HCFC1: variants seen among roughly 807,000 people sequenced by gnomAD.
HCFC1 encodes host cell factor C1, also known as host cell factor 1.
In HCFC1, 7 loss-of-function variants were observed where a neutral mutation model predicts 105.5. The ratio of observed to expected loss-of-function variants is 0.07; its 90% CI spans 0.04 to 0.12. The LOEUF is 0.12. Ranked by LOEUF, HCFC1 falls within the 10% of genes least tolerant of loss-of-function variation. The pLI is 1.00. For missense variants in HCFC1, 1,065 were observed against 1,823.6 expected, an observed-to-expected ratio of 0.58 and a Z score of 7.58; for synonymous variants, 918 against 828.1, an observed-to-expected ratio of 1.11 and a Z score of -1.86.
chrX:153,961,072 C>T (rs1458079539), intron 6 of HCFC1, among the ~76,000 whole-genome samples: 3 of 112,910 alleles, frequency 2.7e-5, no homozygotes, highest in Admixed American at 9.3e-5. Flanking sequence ...GCAGCACAAC[C>T]GCAACTCGAA....
At chrX:153,956,091 A>T in intron 16 of HCFC1, 100 bp downstream of exon 16, 1 of 802,058 alleles carries the variant, frequency 1.2e-6, no homozygotes, top group Non-Finnish European at 1.8e-6. Flanking sequence ...CAGCAGCGCA[A>T]CACCAGGAAG....
chrX:153,951,975 T>TGCTGCTGCTGGGCCTGGGCCTCCTGCA lies in HCFC1; in HGVS notation c.5099_5125dup (p.Leu1700_Gln1708dup), dbSNP rs781996133. ...CAGGGCCTCAGTGGGGAGGTGGTGA[T>TGCTGCTGCTGGGCCTGGGCCTCCTGCA]GCTGCTGCTGGGCCTGGGCCTCCTG... is the stretch of plus-strand genomic sequence containing the variant. On this transcript the variant is annotated inframe_insertion, in exon 20 of 26. Transcript: ENST00000310441. 1.7e-6 allele frequency: 2 copies of TGCTGCTGCTGGGCCTGGGCCTCCTGCA among 1,192,373 alleles called. No individual in the cohort carries two copies. Among genetic ancestry groups the TGCTGCTGCTGGGCCTGGGCCTCCTGCA allele is most frequent in the East Asian group, 5.9e-5 (2 of 33,628 alleles).
In HCFC1 at chrX:153,948,929, G is replaced by A. The variant is rs2065281711; in HGVS notation, c.*418C>T. On this transcript the variant is annotated 3_prime_UTR_variant, in exon 26 of 26. Transcript: ENST00000310441. ...AAACAGAACCAGACACCCAGGCCAG[G>A]GTGCCAGGAAAGCCACTCTGGGGAG... 8.6e-6 allele frequency: 1 copy of A among 116,247 alleles called. No individual in the cohort carries two copies. The highest frequency in any genetic ancestry group is 3.3e-5 in the African/African-American group (1 of 30,573). 9.6% of individuals were successfully genotyped at this position (116,247 alleles called of 1,213,427 possible).
chrX:153,952,779 C>G lies in HCFC1; in HGVS notation c.4677G>C (p.Gln1559His). ...LSSTGEPSSG[Q>H]ESAGSAVVAT... ...CCACCACCGCAGAGCCGGCAGACTC[C>G]TGGCCCGAAGATGGCTCCCCTGTGC... The change falls in exon 19 of 26, where the codon CAG (glutamine) becomes CAC (histidine). Residue 1559 changes from glutamine to histidine, a missense_variant. Coordinates refer to ENST00000310441, the MANE Select transcript of HCFC1 (RefSeq NM_005334.3). 2.5e-6 allele frequency: 3 copies of G among 1,207,877 alleles called. No homozygotes were observed. The highest frequency in any genetic ancestry group is 3.4e-6 in the Non-Finnish European group (3 of 893,465).
At chrX:153,950,187 G>A (rs2065296963) in intron 24 of HCFC1, 56 bp downstream of exon 24, 3 of 1,063,792 alleles carry the variant, frequency 2.8e-6, no homozygotes, top group Admixed American at 6.1e-5. Flanking sequence ...TCCTCCTGCT[G>A]CACCCGGCTT....
intron 12 of HCFC1, 96 bp from the exon 13 acceptor site, chrX:153,957,629 A>G: frequency 4.8e-6 from 4 of 830,089 alleles, no homozygotes; most frequent in Non-Finnish European, 7.0e-6. Flanking sequence ...GGCTCAGGGA[A>G]TGTTCTGGAG....
intron 1 of HCFC1, among the ~76,000 whole-genome samples, chrX:153,968,139 G>A (rs782694118): frequency 4.5e-5 from 5 of 111,334 alleles, no homozygotes; most frequent in Non-Finnish European, 9.4e-5. Flanking sequence ...CAGAGCCACC[G>A]TAGCCAAAGC....
At position 153,970,966 on chromosome X, in the gene HCFC1, A is replaced by C. The variant is rs2065527334; in HGVS notation, c.-126T>G. On this transcript the variant is annotated 5_prime_UTR_variant, in exon 1 of 26. Transcript: ENST00000310441. ...GAAGCGGTTTCTCACACAGCGGTAG[A>C]CGACTCCATGGAGGCCGCCATCTTA... The C allele has an allele frequency of 1.9e-6, 1 of 526,144 alleles. No homozygotes were observed. The highest frequency in any genetic ancestry group is 3.0e-6 in the Non-Finnish European group (1 of 333,282). 43.4% of individuals were successfully genotyped at this position (526,144 alleles called of 1,213,427 possible). A position where few individuals can be genotyped will look rare whatever the true frequency, so the allele number is the denominator to read the frequency against.
chrX:153,959,315 A>T lies in HCFC1; in HGVS notation c.1605+16T>A. On this transcript the variant is annotated intron_variant, in intron 9 of 25. Coordinates refer to ENST00000310441, the MANE Select transcript of HCFC1 (RefSeq NM_005334.3). ...ATCAACAGGAAATCCCACCCGCCCC[A>T]GTGACCACTCCTCACCGTTCCCTGG... 8.4e-7 allele frequency: 1 copy of T among 1,188,087 alleles called. No homozygotes were observed. Among genetic ancestry groups the T allele is most frequent in the East Asian group, 3.0e-5 (1 of 33,268 alleles).
chrX:153,967,903 G>A, intron 1 of HCFC1, among the ~76,000 whole-genome samples: 1 of 111,450 alleles, frequency 9.0e-6, no homozygotes, highest in Admixed American at 9.5e-5. Context: ...CAGGGACAGA[G>A]GAGAGAATGG....
At position 153,952,148 on chromosome X, in the gene HCFC1, C is replaced by G; in HGVS notation, c.4953G>C (p.Glu1651Asp). The change falls in exon 20 of 26, where the codon GAG (glutamate) becomes GAC (aspartate). Residue 1651 changes from glutamate (E) to aspartate (D), a missense_variant. By Grantham distance (45) the Glu-to-Asp change is conservative. This residue lies in a region of HCFC1 where 115 missense variants were observed against 143.7 expected (regional missense o/e 0.80). Transcript: ENST00000310441. The stretch of plus-strand genomic sequence containing the variant: ...CTGCTGCCTCGGAGGTGTCCATGGG[C>G]TCGCCGGTGCCTGCTCCAGGGTCGA... Reference protein sequence around the residue: ...AAQQAVMGTGEPMDTSEAAAT... With the variant: ...AAQQAVMGTGDPMDTSEAAAT... The G allele has an allele frequency of 9.0e-7, 1 of 1,114,895 alleles. No individual in the cohort carries two copies. The highest frequency in any genetic ancestry group is 1.2e-6 in the Non-Finnish European group (1 of 851,727). The allele number at this position is 1,114,895 out of a possible 1,213,427, so 91.9% of individuals were successfully genotyped here.
At chrX:153,950,175 G>T in intron 24 of HCFC1, 68 bp downstream of exon 24, 1 of 1,035,293 alleles carries the variant, frequency 9.7e-7, no homozygotes, top group Non-Finnish European at 1.3e-6. Flanking sequence ...GATGGTGACA[G>T]TTCCTCCTGC....
Position 153,964,277 on chromosome X carries a change from C to T in HCFC1, c.350G>A (p.Arg117Gln). 8.5e-7 allele frequency: 1 copy of T among 1,175,124 alleles called. No homozygotes were observed. Among genetic ancestry groups the T allele is most frequent in the Non-Finnish European group, 1.1e-6 (1 of 873,927 alleles). The change falls in exon 3 of 26, where the codon CGG (arginine) becomes CAG (glutamine). Residue 117 changes from arginine to glutamine, a missense_variant. This residue lies in a region of HCFC1 where 38 missense variants were observed against 190.1 expected (regional missense o/e 0.20). Coordinates refer to ENST00000310441, the MANE Select transcript of HCFC1 (RefSeq NM_005334.3). ...SNDLYELQASRWEWKRLKAKT... is the reference protein window; with the variant it reads ...SNDLYELQASQWEWKRLKAKT... The stretch of plus-strand genomic sequence containing the variant: ...TGCTTTGAGTCTCTTCCACTCCCAC[C>T]GGCTCGCCTGCAAAATCAAGACCTG...
intron 16 of HCFC1, among the ~76,000 whole-genome samples, 154 bp from the exon 17 acceptor site, chrX:153,955,696 CACTG>C (rs782199116): frequency 1.8e-5 from 2 of 112,225 alleles, no homozygotes; most frequent in Non-Finnish European, 3.8e-5. Flanking sequence ...GCCCCCAAGA[CACTG>C]ACTTGCTCAG....
chrX:153,957,619 G>A (rs183872940), intron 12 of HCFC1, 86 bp from the exon 13 acceptor site: 14 of 876,129 alleles, frequency 1.6e-5, no homozygotes, highest in Middle Eastern at 3.6e-4. Context: ...CAGCCTTGGC[G>A]GCTCAGGGAA....
chrX:153,954,397 G>A lies in HCFC1; in HGVS notation c.4002C>T (p.Thr1334=). The stretch of plus-strand genomic sequence containing the variant: ...CCGTGCCCCCGTTTGAAGTAGCGGT[G>A]GTGGCCGTGTGGGTGGTGCCCGTCT... The part of the protein sequence containing the change: ...THETGTTHTA[T]TATSNGGTGQ... The change falls in exon 17 of 26, where the codon ACC becomes ACT. Residue 1334 remains threonine, a synonymous_variant. Transcript: ENST00000310441. The A allele has an allele frequency of 8.3e-7, 1 of 1,210,964 alleles. No homozygotes were observed. The highest frequency in any genetic ancestry group is 1.1e-6 in the Non-Finnish European group (1 of 894,957).
Position 153,949,744 on chromosome X carries a change from C to G in HCFC1, c.6005-128G>C, listed in dbSNP as rs1396293787. 1.7e-5 allele frequency: 10 copies of G among 589,626 alleles called. No homozygotes were observed. The Admixed American group carries it at 1.8e-4, about 11-fold the overall frequency. 48.6% of individuals were successfully genotyped at this position (589,626 alleles called of 1,213,427 possible). On this transcript the variant is annotated intron_variant, in intron 24 of 25. Transcript: ENST00000310441. Reference sequence around the variant, plus strand: ...TGACCCGCAGCTGGCAAGGGTGGGGCGCCTGCCCTATGGGTGGTCACCTTT... The same window carrying G: ...TGACCCGCAGCTGGCAAGGGTGGGGGGCCTGCCCTATGGGTGGTCACCTTT...
intron 1 of HCFC1, 49 bp downstream of exon 1, chrX:153,970,599 G>A: frequency 3.2e-6 from 3 of 925,106 alleles, no homozygotes; most frequent in South Asian, 4.3e-5. Flanking sequence ...GGAGAGGGAG[G>A]AGATGGAGGG....
chrX:153,971,005 C>T lies in HCFC1; in HGVS notation c.-165G>A, dbSNP rs1265764655. 2 of 409,882 alleles carry T rather than the reference C, an allele frequency of 4.9e-6. No homozygotes were observed. The highest frequency in any genetic ancestry group is 4.5e-5 in the East Asian group (1 of 22,452). The allele number at this position is 409,882 out of a possible 1,213,427, so 33.8% of individuals were successfully genotyped here. ...GCCGCCATCTTAACTGCCCTCCTTCCCTTTGGCTCTTCCCTTTCTTCTCGC... is the reference window on the plus strand; with the variant it reads ...GCCGCCATCTTAACTGCCCTCCTTCTCTTTGGCTCTTCCCTTTCTTCTCGC... On this transcript the variant is annotated 5_prime_UTR_variant, in exon 1 of 26. Transcript: ENST00000310441.
Sources: allele counts gnomAD v4.1 joint callset (sites outside exome capture counted in the v4.1 genomes callset), GRCh38; gene constraint gnomAD v4.1.1; regional missense constraint gnomAD v4.1.1; transcripts MANE v1.5; gene names NCBI Gene and HGNC (gene_info 2026-07-23, HGNC 2026-07-21).